MGAT4C: variants seen among roughly 807,000 people sequenced by gnomAD.
MGAT4C encodes the protein alpha-1,3-mannosyl-glycoprotein 4-beta-N-acetylglucosaminyltransferase C.
In MGAT4C, 19 loss-of-function variants were observed where a neutral mutation model predicts 40.1. The ratio of observed to expected loss-of-function variants is 0.47; its 90% CI spans 0.33 to 0.70. MGAT4C has a LOEUF of 0.70. Ranked by LOEUF, MGAT4C falls within the 30% of genes least tolerant of loss-of-function variation. MGAT4C has a pLI of 0.02. For missense variants in MGAT4C, 491 were observed against 563.2 expected, an observed-to-expected ratio of 0.87 and a Z score of 1.30; for synonymous variants, 181 against 187.1, an observed-to-expected ratio of 0.97 and a Z score of 0.27.
At chr12:86,162,926 C>T (rs1473421760) in intron 1 of MGAT4C, among the ~76,000 whole-genome samples, 3 of 152,078 alleles carry the variant, frequency 2.0e-5, no homozygotes, top group Non-Finnish European at 4.4e-5. Context: ...TTTCCAAATA[C>T]TATATGCTTA....
chr12:86,288,052 T>C (rs1953400594), intron 4 of MGAT4C, among the ~76,000 whole-genome samples: 1 of 152,248 alleles, frequency 6.6e-6, no homozygotes, highest in Non-Finnish European at 1.5e-5. Flanking sequence ...CTAACTGGCA[T>C]GAGATGGTAT....
intron 2 of MGAT4C, among the ~76,000 whole-genome samples, chr12:86,545,861 T>C (rs1592972298): frequency 6.6e-6 from 1 of 152,078 alleles, no homozygotes; most frequent in Middle Eastern, 3.4e-3. Context: ...AATACTGTCA[T>C]AGAAGCAAAG....
chr12:85,986,438 G>A (rs928397945), intron 3 of MGAT4C, among the ~76,000 whole-genome samples: 1 of 152,174 alleles, frequency 6.6e-6, no homozygotes, highest in Admixed American at 6.5e-5. Flanking sequence ...GCCTTGTAAC[G>A]GTGTTTGTCT....
At position 86,609,153 on chromosome 12, in the gene MGAT4C, A is replaced by G. The variant is rs574519623; in HGVS notation, c.-229+118056T>C. The stretch of plus-strand genomic sequence containing the variant: ...TAGCATTCCTATGCACTATGTGACA[A>G]GAATACAGCATTATTTGTTAGAAAA... On this transcript the variant is annotated intron_variant, in intron 2 of 7. Transcript: ENST00000548651. 1.2e-4 allele frequency among the ~76,000 whole-genome samples: 18 copies of G among 152,320 alleles called. No homozygotes were observed. In the East Asian group the frequency reaches 3.3e-3, roughly 28 times the overall value.
chr12:86,111,435 C>T (rs1388583777), intron 1 of MGAT4C, among the ~76,000 whole-genome samples: 1 of 151,752 alleles, frequency 6.6e-6, no homozygotes, highest in East Asian at 1.9e-4. Context: ...AAGAATTTGG[C>T]TCATTATGTT....
chr12:86,713,840 C>T (rs949954746), intron 2 of MGAT4C, among the ~76,000 whole-genome samples: 2 of 151,618 alleles, frequency 1.3e-5, no homozygotes, highest in African/African-American at 2.4e-5. Context: ...GGCCTCAGCA[C>T]CTACGGACTT....
chr12:86,045,799 C>T (rs1189303785), intron 2 of MGAT4C, among the ~76,000 whole-genome samples: 1 of 152,166 alleles, frequency 6.6e-6, no homozygotes, highest in Non-Finnish European at 1.5e-5. Flanking sequence ...CTTGGTGTTA[C>T]TTGACTATGT....
chr12:86,049,654 T>A lies in MGAT4C; in HGVS notation c.-7+20A>T. 1.0e-6 allele frequency: 1 copy of A among 973,876 alleles called. No individual in the cohort carries two copies. The highest frequency in any genetic ancestry group is 1.2e-6 in the Non-Finnish European group (1 of 819,136). 60.3% of individuals were successfully genotyped at this position (973,876 alleles called of 1,614,324 possible). A position where few individuals can be genotyped will look rare whatever the true frequency, so the allele number is the denominator to read the frequency against. ...AGTGTAGTACCTTAGAATACTACCATGAATGACATAGAATCTCACCTTAAG... is the reference window on the plus strand; with the variant it reads ...AGTGTAGTACCTTAGAATACTACCAAGAATGACATAGAATCTCACCTTAAG... On this transcript the variant is annotated intron_variant, in intron 2 of 4. Coordinates refer to ENST00000611864, the MANE Select transcript of MGAT4C (RefSeq NM_001351288.2).
At chr12:86,692,867 C>T (rs775257023) in intron 2 of MGAT4C, among the ~76,000 whole-genome samples, 8 of 152,066 alleles carry the variant, frequency 5.3e-5, no homozygotes, top group African/African-American at 1.2e-4. Context: ...TTGTTTGTTA[C>T]GGAATGTGCT....
intron 2 of MGAT4C, among the ~76,000 whole-genome samples, chr12:86,446,373 A>G (rs988128589): frequency 2.6e-5 from 4 of 151,820 alleles, no homozygotes; most frequent in African/African-American, 7.3e-5. Context: ...ATTTTTCTCA[A>G]AGGAATACAC....
chr12:86,403,615 G>A (rs927659809), intron 3 of MGAT4C, among the ~76,000 whole-genome samples: 1 of 152,070 alleles, frequency 6.6e-6, no homozygotes, highest in Non-Finnish European at 1.5e-5. Flanking sequence ...ATCATTTTAA[G>A]TTTTTGAAAT....
intron 1 of MGAT4C, among the ~76,000 whole-genome samples, chr12:86,222,065 ACT>A (rs1477482425): frequency 7.2e-5 from 11 of 152,274 alleles, no homozygotes; most frequent in Middle Eastern, 6.8e-3. Context: ...TTTCAAAGAA[ACT>A]CTGTTCTAGT....
Position 86,566,736 on chromosome 12 carries a change from T to C in MGAT4C, c.-228-131471A>G, listed in dbSNP as rs1025944447. Among the ~76,000 whole-genome samples the C allele has an allele frequency of 1.3e-4, 13 of 102,656 alleles. 1 individual carries two copies. The highest frequency in any genetic ancestry group is 7.9e-5 in the Non-Finnish European group (4 of 50,520). 67.3% of individuals were successfully genotyped at this position (102,656 alleles called of 152,430 possible). On this transcript the variant is annotated intron_variant, in intron 2 of 7. Coordinates refer to the MGAT4C transcript ENST00000548651. ...TTATATGTATATATACATACATATG[T>C]ATACAATGTATCTGTGTGTGTGTGT...
rs1003646908 is a variant in MGAT4C at position 86,036,193 on chromosome 12, T to C, written c.-7+13481A>G. Reference sequence around the variant, plus strand: ...GTGTGGCCATTTTCACGAAATTGATTCTTCCTCTCCAGCCCCATGGGCTGA... The same window carrying C: ...GTGTGGCCATTTTCACGAAATTGATCCTTCCTCTCCAGCCCCATGGGCTGA... On this transcript the variant is annotated intron_variant, in intron 2 of 4. Coordinates refer to ENST00000611864, the MANE Select transcript of MGAT4C (RefSeq NM_001351288.2). Among the ~76,000 whole-genome samples, 38 of 149,952 alleles carry C rather than the reference T, an allele frequency of 2.5e-4. 1 individual carries two copies. The highest frequency in any genetic ancestry group is 8.7e-4 in the African/African-American group (36 of 41,256).
rs1478436973 is a variant in MGAT4C at position 86,774,417 on chromosome 12, CTCTCTT to C, written c.-261-47182_-261-47177del. Among the ~76,000 whole-genome samples the C allele has an allele frequency of 1.6e-3, 229 of 147,070 alleles. 4 individuals are homozygous for C. Among genetic ancestry groups the C allele is most frequent in the African/African-American group, 5.3e-3 (211 of 39,966 alleles). ...CTCTCCTCTCTCTCTCTCTCTCTCTCTCTCTTTCTTTCTTTCTTTTCTGTTAGCCAT... is the reference window on the plus strand; with the variant it reads ...CTCTCCTCTCTCTCTCTCTCTCTCTCTCTTTCTTTCTTTTCTGTTAGCCAT... On this transcript the variant is annotated intron_variant, in intron 1 of 7. Coordinates refer to the MGAT4C transcript ENST00000548651.
intron 4 of MGAT4C, among the ~76,000 whole-genome samples, chr12:86,269,023 TA>T (rs1952871457): frequency 5.3e-5 from 2 of 37,774 alleles, no homozygotes; most frequent in African/African-American, 1.8e-4. Flanking sequence ...CATATATATA[TA>T]TATATATATA....
chr12:86,701,582 A>G (rs11104041), intron 2 of MGAT4C, among the ~76,000 whole-genome samples: 5,263 of 152,198 alleles, frequency 0.035, 139 homozygotes, highest in Non-Finnish European at 0.048. Context: ...TACTTGACAT[A>G]CAACAATATT....
chr12:86,068,079 T>G (rs139521158), intron 1 of MGAT4C: 1 of 152,322 alleles, frequency 6.6e-6, no homozygotes, highest in African/African-American at 2.4e-5. Context: ...CCACTTCAGT[T>G]AATTTGGAAA....
intron 1 of MGAT4C, among the ~76,000 whole-genome samples, chr12:86,228,714 A>G (rs949802975): frequency 6.6e-6 from 1 of 151,956 alleles, no homozygotes; most frequent in Non-Finnish European, 1.5e-5. Context: ...TATGTATGTA[A>G]GACTCTAATT....
Sources: allele counts gnomAD v4.1 joint callset (sites outside exome capture counted in the v4.1 genomes callset), GRCh38; gene constraint gnomAD v4.1.1; transcripts MANE v1.5; gene names NCBI Gene and HGNC (gene_info 2026-07-23, HGNC 2026-07-21).